The following LRRC8D variants were observed in gnomAD, a reference collection of about 807,000 sequenced individuals.
LRRC8D encodes the protein leucine rich repeat containing 8 VRAC subunit D, also known as volume-regulated anion channel subunit LRRC8D.
A neutral mutation model predicts 55.8 loss-of-function variants in LRRC8D; 20 were observed. The observed-to-expected ratio is 0.36, with a 90% CI of 0.25 to 0.52. LRRC8D has a LOEUF of 0.52. Among genes scored for constraint, LRRC8D ranks in the 20% least tolerant of loss-of-function variants. The pLI, the probability that LRRC8D is intolerant of heterozygous loss-of-function variation, is 0.93. For missense variants in LRRC8D, 651 were observed against 1,030.8 expected (o/e 0.63, Z 5.05); for synonymous variants, 352 against 377.0 (o/e 0.93, Z 0.77).
intron 2 of LRRC8D, chr1:89,929,926 C>T (rs1663660422): frequency 6.6e-6 from 1 of 152,246 alleles, no homozygotes; most frequent in Non-Finnish European, 1.5e-5. Context: ...CGTTTTGTGT[C>T]AGATCAGCAG....
chr1:89,849,801 A>G (rs1661366259), intron 2 of LRRC8D, among the ~76,000 whole-genome samples: 3 of 152,134 alleles, frequency 2.0e-5, no homozygotes, highest in African/African-American at 7.2e-5. Context: ...GTCTTTAGAC[A>G]TTGTAACTTT....
rs1663817760 is a variant in LRRC8D at position 89,935,358 on chromosome 1, G to A, written c.2290G>A (p.Val764Met). 1 of 1,614,226 alleles carries A rather than the reference G, an allele frequency of 6.2e-7. No individual in the cohort carries two copies. Among genetic ancestry groups the A allele is most frequent in the Non-Finnish European group, 8.5e-7 (1 of 1,180,040 alleles). Residue 764 changes from valine to methionine, a missense_variant, in exon 3 of 3, where the codon GTG (valine) becomes ATG (methionine). Coordinates refer to ENST00000337338, the MANE Select transcript of LRRC8D (RefSeq NM_001134479.2). ...LQHLHITGNK[V>M]DILPKQLFKC... ...GCATTTGCATATCACTGGGAACAAA[G>A]TGGACATTCTGCCAAAACAATTGTT...
chr1:89,849,540 G>A (rs1197774526), intron 2 of LRRC8D, among the ~76,000 whole-genome samples: 1 of 149,730 alleles, frequency 6.7e-6, no homozygotes. Context: ...CCTGATAAAT[G>A]TTGATTATAC....
chr1:89,905,856 A>G (rs1011221700), intron 2 of LRRC8D, among the ~76,000 whole-genome samples: 3 of 152,182 alleles, frequency 2.0e-5, no homozygotes, highest in African/African-American at 7.2e-5. Flanking sequence ...GGCCCGGTGT[A>G]TTGTAAGGAA....
In LRRC8D at chr1:89,843,620, CCCT is replaced by C; in HGVS notation, c.-147-17_-147-15del. The C allele has an allele frequency of 1.4e-6, 1 of 702,332 alleles. No homozygotes were observed. The highest frequency in any genetic ancestry group is 2.0e-5 in the Admixed American group (1 of 49,988). 43.5% of individuals were successfully genotyped at this position (702,332 alleles called of 1,614,324 possible). A position where few individuals can be genotyped will look rare whatever the true frequency, so the allele number is the denominator to read the frequency against. ...TTGGATCTCTCTAGCTCTTTCTCTC[CCCT>C]GTGTTTTCAAACAGGAAGTGCACGG... On this transcript the variant is annotated splice_polypyrimidine_tract_variant and intron_variant, in intron 1 of 2. Coordinates refer to ENST00000337338, the MANE Select transcript of LRRC8D (RefSeq NM_001134479.2).
chr1:89,839,555 C>CT (rs529004072), intron 1 of LRRC8D, among the ~76,000 whole-genome samples: 59 of 152,328 alleles, frequency 3.9e-4, no homozygotes, highest in Middle Eastern at 6.8e-3. Context: ...TACTCTGGTT[C>CT]TTTAAAGATG....
intron 2 of LRRC8D, among the ~76,000 whole-genome samples, chr1:89,844,811 A>G (rs1661232095): frequency 6.6e-6 from 1 of 152,086 alleles, no homozygotes; most frequent in Non-Finnish European, 1.5e-5. Flanking sequence ...ACCTGGTGAA[A>G]CTCTAGTCTT....
chr1:89,886,841 T>C (rs766088758), intron 2 of LRRC8D, among the ~76,000 whole-genome samples: 27 of 152,208 alleles, frequency 1.8e-4, no homozygotes, highest in African/African-American at 6.5e-4. Context: ...ATTCTTTTAC[T>C]TGTATGTATT....
intron 1 of LRRC8D, among the ~76,000 whole-genome samples, chr1:89,827,493 G>A (rs902934582): frequency 6.6e-6 from 1 of 152,094 alleles, no homozygotes; most frequent in East Asian, 1.9e-4. Context: ...TACCTACCTA[G>A]AATGTTTGGA....
intron 1 of LRRC8D, 133 bp from the exon 2 acceptor site, chr1:89,843,505 C>G: frequency 1.8e-6 from 1 of 547,850 alleles, no homozygotes; most frequent in Non-Finnish European, 3.4e-6. Flanking sequence ...CAGGGGAGCG[C>G]TGGGTGCCCA....
At chr1:89,856,184 C>CT (rs1337744396) in intron 2 of LRRC8D, among the ~76,000 whole-genome samples, 4 of 152,190 alleles carry the variant, frequency 2.6e-5, no homozygotes, top group South Asian at 2.1e-4. Context: ...AACCAGCTGA[C>CT]TTTTTTTATC....
At chr1:89,837,069 A>G (rs997328994) in intron 1 of LRRC8D, among the ~76,000 whole-genome samples, 3 of 152,198 alleles carry the variant, frequency 2.0e-5, no homozygotes, top group Non-Finnish European at 4.4e-5. Context: ...AGGATACTGT[A>G]TCAACTGCTT....
rs1363293007 is a variant in LRRC8D, at chr1:89,913,876, G to C, written c.-2-19191G>C. ...ATGAATACATGCTTGCCGACATGCA[G>C]ATCCTCTCAGGCCATGGTACAGGGC... On this transcript the variant is annotated intron_variant, in intron 2 of 2. Coordinates refer to ENST00000337338, the MANE Select transcript of LRRC8D (RefSeq NM_001134479.2). Among the ~76,000 whole-genome samples, 3 of 152,306 alleles carry C rather than the reference G, an allele frequency of 2.0e-5. No individual in the cohort carries two copies. The East Asian group carries it at 5.8e-4, about 29-fold the overall frequency.
chr1:89,897,910 G>A (rs1266653606), intron 2 of LRRC8D, among the ~76,000 whole-genome samples: 3 of 152,106 alleles, frequency 2.0e-5, no homozygotes, highest in African/African-American at 2.4e-5. Context: ...GGTGCATCCC[G>A]GTGAGTGCCT....
intron 1 of LRRC8D, among the ~76,000 whole-genome samples, chr1:89,842,618 C>T (rs1277348710): frequency 6.6e-6 from 1 of 151,306 alleles, no homozygotes; most frequent in African/African-American, 2.4e-5. Context: ...AAGAGACAGT[C>T]CTGTAAGCGC....
At chr1:89,840,111 A>G (rs1041918432) in intron 1 of LRRC8D, among the ~76,000 whole-genome samples, 2 of 152,176 alleles carry the variant, frequency 1.3e-5, no homozygotes, top group African/African-American at 2.4e-5. Flanking sequence ...TGAACCTTCC[A>G]CATTTTTCCA....
rs1396449975 is a variant in LRRC8D, at chr1:89,934,359, T to G, written c.1291T>G (p.Ser431Ala). The G allele has an allele frequency of 1.2e-6, 2 of 1,613,690 alleles. No homozygotes were observed. The highest frequency in any genetic ancestry group is 1.3e-5 in the African/African-American group (1 of 74,924). The change falls in exon 3 of 3, where the codon TCC (serine) becomes GCC (alanine). Residue 431 changes from serine to alanine, a missense_variant. Transcript: ENST00000337338. This position sits in a 1 kb window ranked among gnomAD's most constrained non-coding sequence, Gnocchi z 5.9. Reference sequence around the variant, plus strand: ...GGTAGACCAGTATGACCAGCTATATTCCAAGCGTTTTGGTGTGTTCTTGTC... The same window carrying G: ...GGTAGACCAGTATGACCAGCTATATGCCAAGCGTTTTGGTGTGTTCTTGTC... ...HMVDQYDQLY[S>A]KRFGVFLSEV...
chr1:89,871,025 C>T (rs755088857), intron 2 of LRRC8D, among the ~76,000 whole-genome samples: 3 of 152,096 alleles, frequency 2.0e-5, no homozygotes, highest in Non-Finnish European at 2.9e-5. Flanking sequence ...CTTAGTAATA[C>T]AGTATTGAAG....
At chr1:89,881,558 A>G (rs571127576) in intron 2 of LRRC8D, among the ~76,000 whole-genome samples, 1 of 152,258 alleles carries the variant, frequency 6.6e-6, no homozygotes, top group South Asian at 2.1e-4. Flanking sequence ...GGACTTAACA[A>G]AACTGTGGTT....
Sources: gnomAD v4.1 joint callset for allele counts (sites outside exome capture counted in the v4.1 genomes callset) on GRCh38, gnomAD v4.1.1 for gene constraint, Gnocchi (gnomAD v3.1) non-coding constraint, MANE v1.5 for transcripts, NCBI Gene and HGNC (gene_info 2026-07-23, HGNC 2026-07-21) for gene names.